The following SLC24A3 variants were observed in gnomAD, a reference collection of about 807,000 sequenced individuals.
SLC24A3 encodes sodium/potassium/calcium exchanger 3.
In SLC24A3, 28 loss-of-function variants were observed where a neutral mutation model predicts 75.8. The ratio of observed to expected loss-of-function variants is 0.37; its 90% CI spans 0.27 to 0.51. The LOEUF (loss-of-function observed/expected upper bound fraction) is 0.51, where lower values mean the gene tolerates loss of function less well. Among genes scored for constraint, SLC24A3 ranks in the 20% least tolerant of loss-of-function variants. The probability of loss-of-function intolerance (pLI) is 0.94; values close to 1 mark genes in which losing one functional copy is unlikely to be tolerated. For synonymous variants in SLC24A3, 372 were observed against 334.1 expected (o/e 1.11, Z -1.24); for missense variants, 663 against 847.8 (o/e 0.78, Z 2.71).
At chr20:19,540,358 C>A in intron 3 of SLC24A3, among the ~76,000 whole-genome samples, 1 of 152,290 alleles carries the variant, frequency 6.6e-6, no homozygotes, top group East Asian at 1.9e-4. Flanking sequence ...TGGTGCTCCT[C>A]GAGAGAGACC....
At chr20:19,304,184 A>G (rs1600420080) in intron 2 of SLC24A3, among the ~76,000 whole-genome samples, 1 of 152,236 alleles carries the variant, frequency 6.6e-6, no homozygotes. Flanking sequence ...TTTGAATAAC[A>G]TTAATCAAGT....
At chr20:19,269,742 G>A (rs1983268721) in intron 1 of SLC24A3, among the ~76,000 whole-genome samples, 1 of 147,542 alleles carries the variant, frequency 6.8e-6, no homozygotes, top group African/African-American at 2.5e-5. Context: ...GATGCCCCCT[G>A]TTGCCTGAGA....
At chr20:19,678,104 C>T (rs1300254957) in intron 9 of SLC24A3, among the ~76,000 whole-genome samples, 51 of 150,598 alleles carry the variant, frequency 3.4e-4, no homozygotes, top group African/African-American at 5.9e-4. Flanking sequence ...CCCATGTCTA[C>T]TTCTTTCTAC....
chr20:19,599,561 C>T (rs1360620670), intron 6 of SLC24A3, among the ~76,000 whole-genome samples: 1 of 152,230 alleles, frequency 6.6e-6, no homozygotes, highest in African/African-American at 2.4e-5. Context: ...CCTGATAGTG[C>T]TGAGCCTGGC....
intron 15 of SLC24A3, among the ~76,000 whole-genome samples, chr20:19,701,849 A>G (rs922165146): frequency 2.6e-5 from 4 of 152,224 alleles, no homozygotes; most frequent in Non-Finnish European, 5.9e-5. Flanking sequence ...CCTGGGCTCT[A>G]AACAACCTGA....
chr20:19,642,162 A>G (rs1210057517), intron 6 of SLC24A3, among the ~76,000 whole-genome samples: 1 of 152,252 alleles, frequency 6.6e-6, no homozygotes, highest in Non-Finnish European at 1.5e-5. Flanking sequence ...GAGAGGCTTC[A>G]GCACAGGCCA....
intron 2 of SLC24A3, among the ~76,000 whole-genome samples, chr20:19,434,698 A>G (rs1026088406): frequency 2.6e-5 from 4 of 152,140 alleles, no homozygotes; most frequent in Admixed American, 2.0e-4. Flanking sequence ...GGCTAATTAC[A>G]AAGTAAAGGG....
At chr20:19,302,242 G>A (rs1317489474) in intron 2 of SLC24A3, among the ~76,000 whole-genome samples, 1 of 152,208 alleles carries the variant, frequency 6.6e-6, no homozygotes, top group Non-Finnish European at 1.5e-5. Flanking sequence ...TGTGGGCAGG[G>A]GCTGGGGCTG....
intron 2 of SLC24A3, among the ~76,000 whole-genome samples, chr20:19,495,855 G>T (rs1988277088): frequency 1.3e-5 from 2 of 152,198 alleles, no homozygotes; most frequent in Non-Finnish European, 2.9e-5. Flanking sequence ...CCAGATTTCA[G>T]GCTGGGCATC....
At chr20:19,585,352 C>T (rs2031279747) in intron 5 of SLC24A3, 89 bp from the exon 6 acceptor site, 1 of 1,230,214 alleles carries the variant, frequency 8.1e-7, no homozygotes, top group African/African-American at 1.5e-5. Context: ...ATTCTGAGAA[C>T]AATCTAATGC....
intron 4 of SLC24A3, among the ~76,000 whole-genome samples, chr20:19,582,112 A>C (rs2031226098): frequency 1.3e-5 from 2 of 152,240 alleles, no homozygotes. Context: ...ACATATATTT[A>C]GAGATCCTGA....
intron 6 of SLC24A3, among the ~76,000 whole-genome samples, chr20:19,616,746 G>A (rs1380654489): frequency 6.6e-6 from 1 of 152,068 alleles, no homozygotes; most frequent in African/African-American, 2.4e-5. Context: ...CTCCCTTAGG[G>A]ATGTCAGTAG....
intron 6 of SLC24A3, among the ~76,000 whole-genome samples, chr20:19,639,081 TG>T (rs1196352295): frequency 1.3e-5 from 2 of 152,156 alleles, no homozygotes; most frequent in Non-Finnish European, 2.9e-5. Flanking sequence ...TCCTGCTGAT[TG>T]GTAGAGCCCA....
At position 19,651,725 on chromosome 20, in the gene SLC24A3, G is replaced by C. The variant is rs959196217; in HGVS notation, c.613-2337G>C. Among the ~76,000 whole-genome samples, 72 of 152,112 alleles carry C rather than the reference G, an allele frequency of 4.7e-4. 1 individual carries two copies. Among genetic ancestry groups the C allele is most frequent in the East Asian group, 9.7e-4 (5 of 5,166 alleles). ...AATACAAAAAAATTTGCCAGGCGTG[G>C]TGGTGGGCGCCTGTAGTCCCAACTA... On this transcript the variant is annotated intron_variant, in intron 6 of 16. Coordinates refer to ENST00000328041, the MANE Select transcript of SLC24A3 (RefSeq NM_020689.4).
At chr20:19,347,219 G>A (rs1985449078) in intron 2 of SLC24A3, among the ~76,000 whole-genome samples, 1 of 152,152 alleles carries the variant, frequency 6.6e-6, no homozygotes, top group Non-Finnish European at 1.5e-5. Flanking sequence ...CCAGGGGTAG[G>A]GAGGAAGGAG....
chr20:19,696,653 C>T lies in SLC24A3; in HGVS notation c.1492-144C>T. On this transcript the variant is annotated intron_variant, in intron 13 of 16. Coordinates refer to ENST00000328041, the MANE Select transcript of SLC24A3 (RefSeq NM_020689.4). ...TCGGCATCCACATAGTGTTTGTCAC[C>T]CTCTGTATTGATACAGAGAGCAGAC... 5.0e-6 allele frequency: 3 copies of T among 598,404 alleles called. No individual in the cohort carries two copies. The East Asian group carries it at 8.4e-5, about 17-fold the overall frequency. 37.1% of individuals were successfully genotyped at this position (598,404 alleles called of 1,614,324 possible).
At position 19,419,569 on chromosome 20, in the gene SLC24A3, G is replaced by A. The variant is rs115056789; in HGVS notation, c.272-95919G>A. ...GAAATGTTGGAGGTTTAACCCAGCT[G>A]TCCATCTGTCATGTGGACCGTCTCT... On this transcript the variant is annotated intron_variant, in intron 2 of 16. Transcript: ENST00000328041. 2.3e-3 allele frequency among the ~76,000 whole-genome samples: 356 copies of A among 152,244 alleles called. 1 individual carries two copies. Among genetic ancestry groups the A allele is most frequent in the African/African-American group, 8.1e-3 (337 of 41,536 alleles).
intron 2 of SLC24A3, among the ~76,000 whole-genome samples, chr20:19,381,176 C>T (rs1012310509): frequency 1.5e-4 from 23 of 152,198 alleles, no homozygotes; most frequent in African/African-American, 5.5e-4. Context: ...TCATTCAATT[C>T]ATTGTTTCAG....
rs371992368 is a variant in SLC24A3, at chr20:19,285,603, C to A, written c.271+4516C>A. Among the ~76,000 whole-genome samples the A allele has an allele frequency of 4.7e-4, 71 of 149,604 alleles. No homozygotes were observed. The Middle Eastern group carries it at 0.021, about 45-fold the overall frequency. ...AACTGCATGAACAAGACTGACTGACCTCCGGGCTCCAACTTTTCTTTGCAA... is the reference window on the plus strand; with the variant it reads ...AACTGCATGAACAAGACTGACTGACATCCGGGCTCCAACTTTTCTTTGCAA... On this transcript the variant is annotated intron_variant, in intron 2 of 16. Transcript: ENST00000328041.
Sources: allele counts gnomAD v4.1 joint callset (sites outside exome capture counted in the v4.1 genomes callset), GRCh38; gene constraint gnomAD v4.1.1; transcripts MANE v1.5; gene names NCBI Gene and HGNC (gene_info 2026-07-23, HGNC 2026-07-21).